ABI3BP: variants seen among roughly 807,000 people sequenced by gnomAD.
ABI3BP encodes the protein ABI family member 3 binding protein, also known as target of Nesh-SH3.
Under a neutral mutation model 268.6 loss-of-function variants are expected in ABI3BP, and 216 were observed. The observed-to-expected ratio is 0.80, with a 90% confidence interval of 0.72 to 0.90. ABI3BP has a LOEUF of 0.90. Ranked by LOEUF, ABI3BP falls within the 40% of genes least tolerant of loss-of-function variation. The probability of loss-of-function intolerance (pLI) is 0.00; values close to 1 mark genes in which losing one functional copy is unlikely to be tolerated. For missense variants in ABI3BP, 2,090 were observed against 2,182.4 expected, an observed-to-expected ratio of 0.96 and a Z score of 0.84; for synonymous variants, 730 against 730.0, an observed-to-expected ratio of 1.00 and a Z score of 0.00.
chr3:100,923,900 G>A (rs1407465595), intron 2 of ABI3BP, among the ~76,000 whole-genome samples: 4 of 152,138 alleles, frequency 2.6e-5, no homozygotes. Context: ...AGACCAGGCT[G>A]AGACCACCTA....
intron 53 of ABI3BP, among the ~76,000 whole-genome samples, chr3:100,795,469 C>T (rs1051423134): frequency 5.3e-5 from 8 of 151,914 alleles, no homozygotes; most frequent in Non-Finnish European, 8.8e-5. Flanking sequence ...TCAAACTTAC[C>T]ACATACTAGT....
intron 4 of ABI3BP, among the ~76,000 whole-genome samples, chr3:100,888,770 T>C (rs973612484): frequency 6.6e-6 from 1 of 152,072 alleles, no homozygotes; most frequent in African/African-American, 2.4e-5. Context: ...ACTGTCTCCG[T>C]TGATACTTGT....
At position 100,993,301 on chromosome 3, in the gene ABI3BP, CTTGCCT is replaced by C. The variant is rs2093244963; in HGVS notation, c.78_79+4del. ...TTTTAAAACATAAAACATCAGGCTA[CTTGCCT>C]TTTGGCAATTTCTGTGCATTTCCCA... On this transcript the variant is annotated splice_donor_variant and splice_donor_region_variant and coding_sequence_variant and intron_variant, in exon 1 of 68. Transcript: ENST00000471714. LOFTEE classifies it high-confidence loss of function. 1 of 1,542,476 alleles carries C rather than the reference CTTGCCT, an allele frequency of 6.5e-7. No homozygotes were observed. Among genetic ancestry groups the C allele is most frequent in the South Asian group, 1.2e-5 (1 of 83,730 alleles).
intron 1 of ABI3BP, among the ~76,000 whole-genome samples, chr3:100,990,908 T>C (rs1462420010): frequency 6.6e-6 from 1 of 152,162 alleles, no homozygotes; most frequent in Admixed American, 6.6e-5. Flanking sequence ...TTATGTTAGG[T>C]CAGTGGTTTC....
At chr3:100,796,768 T>C (rs2097358510) in intron 51 of ABI3BP, among the ~76,000 whole-genome samples, 1 of 152,076 alleles carries the variant, frequency 6.6e-6, no homozygotes, top group Non-Finnish European at 1.5e-5. Context: ...CTCCCTCAAG[T>C]GGCTTTCAAA....
At chr3:100,947,169 C>A (rs1421529798) in intron 1 of ABI3BP, among the ~76,000 whole-genome samples, 1 of 152,004 alleles carries the variant, frequency 6.6e-6, no homozygotes, top group Non-Finnish European at 1.5e-5. Flanking sequence ...TTGAACTATG[C>A]ACATACCTGA....
chr3:100,916,030 GT>G lies in ABI3BP; in HGVS notation c.259+10271del, dbSNP rs368637881. On this transcript the variant is annotated intron_variant, in intron 2 of 67. Coordinates refer to ENST00000471714, the MANE Select transcript of ABI3BP (RefSeq NM_001375547.2). ...AAAATTGTTGGCTTTATTGCATGTA[GT>G]TTTTTCCTTGCCCGTGTTTTATATG... Among the ~76,000 whole-genome samples, 34 of 152,278 alleles carry G rather than the reference GT, an allele frequency of 2.2e-4. 1 individual carries two copies. In the South Asian group the frequency reaches 6.4e-3, roughly 29 times the overall value.
At chr3:100,809,726 T>G (rs1376069909) in intron 49 of ABI3BP, among the ~76,000 whole-genome samples, 1 of 152,100 alleles carries the variant, frequency 6.6e-6, no homozygotes, top group Non-Finnish European at 1.5e-5. Context: ...AAGTTTGGGC[T>G]TATTTATAAC....
chr3:100,989,678 A>G (rs2092604399), intron 1 of ABI3BP, among the ~76,000 whole-genome samples: 1 of 152,200 alleles, frequency 6.6e-6, no homozygotes, highest in African/African-American at 2.4e-5. Flanking sequence ...TGGGCTAATT[A>G]CAATCTTCTG....
rs769679086 is a variant in ABI3BP at position 100,866,991 on chromosome 3, T to G, written c.911-35A>C. Reference sequence around the variant, plus strand: ...CAGAGAACAAACAATTTATCTCACTTGCAGTGTCCAAAAATACCTCCCTCA... The same window carrying G: ...CAGAGAACAAACAATTTATCTCACTGGCAGTGTCCAAAAATACCTCCCTCA... On this transcript the variant is annotated intron_variant, in intron 9 of 67. Transcript: ENST00000471714. 1.7e-5 allele frequency: 27 copies of G among 1,562,002 alleles called. No individual in the cohort carries two copies. The South Asian group carries it at 2.6e-4, about 15-fold the overall frequency.
Position 100,770,924 on chromosome 3 carries a change from A to C in ABI3BP, c.4560T>G (p.Pro1520=), listed in dbSNP as rs763364117. ...CAGTAATGGAGCAGGGACTGTTGTC[A>C]GGCTTTTGGATGTATCGCACATGAG... ...KGPHVRYIQK[P]DNSPCSITDS... Residue 1520 remains proline, a synonymous_variant, in exon 62 of 68, where the codon CCT becomes CCG. Coordinates refer to ENST00000471714, the MANE Select transcript of ABI3BP (RefSeq NM_001375547.2). 2 of 1,593,626 alleles carry C rather than the reference A, an allele frequency of 1.3e-6. No individual in the cohort carries two copies. The highest frequency in any genetic ancestry group is 2.3e-5 in the South Asian group (2 of 86,494).
In ABI3BP at chr3:100,961,064, A is replaced by T. The variant is rs1585000462; in HGVS notation, c.79+32242T>A. Among the ~76,000 whole-genome samples the T allele has an allele frequency of 5.9e-5, 9 of 152,352 alleles. 2 individuals are homozygous for T. The highest frequency in any genetic ancestry group is 5.9e-4 in the Admixed American group (9 of 15,312). On this transcript the variant is annotated intron_variant, in intron 1 of 67. Coordinates refer to ENST00000471714, the MANE Select transcript of ABI3BP (RefSeq NM_001375547.2). ...GTAATTTGTCATGGCTGCAATAGAA[A>T]ACTAATAAAGTGTCTTTACATCAGA...
chr3:100,779,861 A>G (rs1385552987), intron 58 of ABI3BP, among the ~76,000 whole-genome samples: 1 of 152,204 alleles, frequency 6.6e-6, no homozygotes, highest in Non-Finnish European at 1.5e-5. Context: ...TTTGTCCATT[A>G]TGGTCCCTCA....
chr3:100,778,677 G>T (rs2096781884), intron 58 of ABI3BP: 2 of 289,422 alleles, frequency 6.9e-6, no homozygotes, highest in Non-Finnish European at 1.3e-5. Flanking sequence ...TCAAACAACT[G>T]TGGATGGAAA....
chr3:100,876,702 G>C, intron 6 of ABI3BP, 142 bp from the exon 7 acceptor site: 2 of 685,710 alleles, frequency 2.9e-6, no homozygotes, highest in Non-Finnish European at 4.9e-6. Flanking sequence ...GCTGGTGGCG[G>C]GGCGTGGTGG....
chr3:100,943,204 T>C (rs1380484538), intron 1 of ABI3BP, among the ~76,000 whole-genome samples: 1 of 152,068 alleles, frequency 6.6e-6, no homozygotes, highest in Non-Finnish European at 1.5e-5. Flanking sequence ...AGCATATCCA[T>C]AAGGCAGCAA....
In ABI3BP at chr3:100,839,586, G is replaced by C; in HGVS notation, c.1928C>G (p.Pro643Arg). The change falls in exon 24 of 68, where the codon CCC becomes CGC. Residue 643 changes from proline (P) to arginine (R), a missense_variant. By Grantham distance (103) the Pro-to-Arg change is moderately radical. Coordinates refer to ENST00000471714, the MANE Select transcript of ABI3BP (RefSeq NM_001375547.2). ...ALEPATIQPE[P>R]LVPTTASKPS... is the part of the protein sequence containing the mutation. ...AGAATTACCAGTTGTGGGCACCAAG[G>C]GCTCCGGTTGTATCGTGGCAGGTTC... 6.5e-7 allele frequency: 1 copy of C among 1,535,852 alleles called. No individual in the cohort carries two copies. Among genetic ancestry groups the C allele is most frequent in the Non-Finnish European group, 8.7e-7 (1 of 1,146,690 alleles).
chr3:100,890,660 A>T (rs1204121370), intron 4 of ABI3BP, among the ~76,000 whole-genome samples: 1 of 152,104 alleles, frequency 6.6e-6, no homozygotes, highest in Middle Eastern at 3.2e-3. Context: ...ACCACTCAAA[A>T]TGTCTCTATT....
At chr3:100,821,962 G>A (rs1033278295) in intron 38 of ABI3BP, among the ~76,000 whole-genome samples, 1 of 151,984 alleles carries the variant, frequency 6.6e-6, no homozygotes, top group Non-Finnish European at 1.5e-5. Context: ...GTCTCTACTT[G>A]TGTCTTTTCC....
Sources: allele counts gnomAD v4.1 joint callset (sites outside exome capture counted in the v4.1 genomes callset), GRCh38; gene constraint gnomAD v4.1.1; transcripts MANE v1.5; gene names NCBI Gene and HGNC (gene_info 2026-07-23, HGNC 2026-07-21).